PCDHA8: variants seen among roughly 807,000 people sequenced by gnomAD.
The protein encoded by PCDHA8 is protocadherin alpha-8.
PCDHA8 carries 53 observed loss-of-function variants against 61.8 expected under a neutral mutation model. That is an observed-to-expected ratio of 0.86 (90% confidence interval 0.69 to 1.08). PCDHA8 has a LOEUF of 1.08. Ranked by LOEUF, PCDHA8 falls within the 50% of genes least tolerant of loss-of-function variation. The probability of loss-of-function intolerance (pLI) is 0.00; values close to 1 mark genes in which losing one functional copy is unlikely to be tolerated. For synonymous variants in PCDHA8, 618 were observed against 556.6 expected, an observed-to-expected ratio of 1.11 and a Z score of -1.55; for missense variants, 1,293 against 1,245.0, an observed-to-expected ratio of 1.04 and a Z score of -0.58.
intron 1 of PCDHA8, among the ~76,000 whole-genome samples, chr5:140,890,478 G>A (rs1358799219): frequency 1.3e-5 from 2 of 151,984 alleles, no homozygotes; most frequent in Non-Finnish European, 2.9e-5. Flanking sequence ...TTTTTTGTGC[G>A]TTATTTTTGT....
intron 1 of PCDHA8, chr5:140,882,442 G>A (rs1554174153): frequency 6.2e-7 from 1 of 1,613,948 alleles, no homozygotes; most frequent in African/African-American, 1.3e-5. Context: ...AGCTGGCGGA[G>A]CTGGTGCCGC....
At chr5:140,870,885 C>T (rs782085408) in intron 1 of PCDHA8, 13 of 1,613,918 alleles carry the variant, frequency 8.1e-6, no homozygotes, top group African/African-American at 1.3e-5. Flanking sequence ...CGAAGGTGCG[C>T]GCAGTGGATG....
chr5:140,951,507 C>T (rs2094591964), intron 1 of PCDHA8, among the ~76,000 whole-genome samples: 1 of 151,952 alleles, frequency 6.6e-6, no homozygotes, highest in Admixed American at 6.6e-5. Context: ...AAAAGGAAAG[C>T]GGCTCATCTT....
intron 1 of PCDHA8, chr5:140,882,142 G>T: frequency 1.3e-6 from 2 of 1,488,266 alleles, no homozygotes; most frequent in Non-Finnish European, 1.8e-6. Flanking sequence ...AGAAAATATA[G>T]CAGAAAGCGG....
chr5:140,888,755 T>C (rs1290458155), intron 1 of PCDHA8, among the ~76,000 whole-genome samples: 1 of 146,364 alleles, frequency 6.8e-6, no homozygotes, highest in African/African-American at 2.5e-5. Flanking sequence ...TTCTACCCAC[T>C]TTTTTTTTTA....
intron 1 of PCDHA8, chr5:140,967,956 A>C: frequency 6.2e-7 from 1 of 1,614,172 alleles, no homozygotes; most frequent in Non-Finnish European, 8.5e-7. Context: ...TCAGGCCCCA[A>C]CCGGAAAGTG....
At chr5:140,882,529 T>G (rs1277056302) in intron 1 of PCDHA8, 1 of 1,614,074 alleles carries the variant, frequency 6.2e-7, no homozygotes, top group Non-Finnish European at 8.5e-7. Context: ...TGTTTGTGAA[T>G]TCTCGGATCG....
At chr5:140,996,596 C>G (rs1343501273) in intron 3 of PCDHA8, among the ~76,000 whole-genome samples, 1 of 152,156 alleles carries the variant, frequency 6.6e-6, no homozygotes. Flanking sequence ...CCGCCTCCCC[C>G]CATTTTCATT....
rs1184449073 is a variant in PCDHA8, at chr5:140,842,588, T to C, written c.1267T>C (p.Leu423=). The part of the protein sequence containing the change: ...LDRERVSAYE[L]VVTARDGGSP... ...CCGCGAGAGAGTGTCGGCCTATGAG[T>C]TGGTGGTAACCGCGCGGGACGGGGG... is the stretch of plus-strand genomic sequence containing the variant. Residue 423 remains leucine (L), a synonymous_variant, in exon 1 of 4, where the codon TTG becomes CTG. Coordinates refer to ENST00000531613, the MANE Select transcript of PCDHA8 (RefSeq NM_018911.3). The C allele has an allele frequency of 1.2e-5, 19 of 1,595,896 alleles. 2 individuals carry two copies. Among genetic ancestry groups the C allele is most frequent in the Non-Finnish European group, 1.5e-5 (18 of 1,165,700 alleles).
At chr5:140,870,914 C>A (rs369740429) in intron 1 of PCDHA8, 10 of 1,613,828 alleles carry the variant, frequency 6.2e-6, no homozygotes, top group African/African-American at 1.3e-5. Context: ...GGCTACAACG[C>A]GTGGCTTTCA....
At chr5:140,900,700 T>C (rs557185787) in intron 1 of PCDHA8, among the ~76,000 whole-genome samples, 1 of 152,352 alleles carries the variant, frequency 6.6e-6, no homozygotes, top group South Asian at 2.1e-4. Context: ...ATTTCCGTTC[T>C]TTTGGAAAGA....
chr5:140,890,724 CT>C (rs2062771629), intron 1 of PCDHA8, among the ~76,000 whole-genome samples: 2 of 152,108 alleles, frequency 1.3e-5, no homozygotes, highest in African/African-American at 2.4e-5. Context: ...TTTTTAATCC[CT>C]TTTGACTTAT....
rs140680694 is a variant in PCDHA8, at chr5:140,925,580, G to A, written c.2395-53369G>A. 5.4e-3 allele frequency among the ~76,000 whole-genome samples: 819 copies of A among 151,688 alleles called. 10 individuals carry two copies. The highest frequency in any genetic ancestry group is 0.019 in the African/African-American group (777 of 41,364). On this transcript the variant is annotated intron_variant, in intron 1 of 3. Transcript: ENST00000531613. ...GTTAATGGGTGCAGCACACCAACATGGCGCATGTATACATATGTAACAAAC... is the reference window on the plus strand; with the variant it reads ...GTTAATGGGTGCAGCACACCAACATAGCGCATGTATACATATGTAACAAAC...
intron 3 of PCDHA8, among the ~76,000 whole-genome samples, chr5:140,998,290 C>T (rs782194130): frequency 3.9e-5 from 6 of 152,180 alleles, no homozygotes; most frequent in Admixed American, 2.6e-4. Context: ...TAAATCAGAT[C>T]ACACATTTAG....
intron 1 of PCDHA8, chr5:140,875,542 T>A: frequency 6.2e-7 from 1 of 1,614,134 alleles, no homozygotes; most frequent in Non-Finnish European, 8.5e-7. Flanking sequence ...CCTTGCAGCC[T>A]GGGAGGTGGG....
chr5:140,857,677 T>C lies in PCDHA8; in HGVS notation c.2394+13962T>C, dbSNP rs377237803. 36 of 1,596,766 alleles carry C rather than the reference T, an allele frequency of 2.3e-5. 2 individuals carry two copies. In the African/African-American group the frequency reaches 4.6e-4, roughly 20 times the overall value. On this transcript the variant is annotated intron_variant, in intron 1 of 3. Transcript: ENST00000531613. ...GCGCGCGCGATGGGGGCGTGCCGCC[T>C]CTGGGCAGCAACTTGACGCTGCAGG...
intron 1 of PCDHA8, among the ~76,000 whole-genome samples, chr5:140,914,392 AC>A (rs1554196309): frequency 6.6e-6 from 1 of 151,928 alleles, no homozygotes; most frequent in Non-Finnish European, 1.5e-5. Flanking sequence ...AAGTGTAGTT[AC>A]CCCTGCTCCT....
intron 1 of PCDHA8, among the ~76,000 whole-genome samples, chr5:140,911,285 G>C (rs1292114305): frequency 6.6e-6 from 1 of 152,078 alleles, no homozygotes; most frequent in Non-Finnish European, 1.5e-5. Flanking sequence ...GCTTCATCAG[G>C]GTCCTTTTAC....
intron 1 of PCDHA8, among the ~76,000 whole-genome samples, chr5:140,937,338 C>T (rs1554211545): frequency 1.3e-5 from 2 of 151,992 alleles, no homozygotes; most frequent in Non-Finnish European, 2.9e-5. Flanking sequence ...CGCCCGGCTT[C>T]TTCCATTTAT....
Sources: gnomAD v4.1 joint callset for allele counts (sites outside exome capture counted in the v4.1 genomes callset) on GRCh38, gnomAD v4.1.1 for gene constraint, MANE v1.5 for transcripts, NCBI Gene and HGNC (gene_info 2026-07-23, HGNC 2026-07-21) for gene names.